Variants in CASZ1 observed in about 807,000 individuals in gnomAD.
CASZ1 encodes castor zinc finger 1, also known as zinc finger protein castor homolog 1.
CASZ1 carries 28 observed loss-of-function variants against 135.2 expected under a neutral mutation model. That is an observed-to-expected ratio of 0.21 (90% CI 0.15 to 0.28). CASZ1 has a LOEUF of 0.28. CASZ1 is among the 10% of genes least tolerant of loss of function. The pLI, the probability that CASZ1 is intolerant of heterozygous loss-of-function variation, is 1.00. For missense variants in CASZ1, 2,161 were observed against 2,453.3 expected, an observed-to-expected ratio of 0.88 and a Z score of 2.52; for synonymous variants, 1,068 against 1,073.4, an observed-to-expected ratio of 0.99 and a Z score of 0.10.
rs534034022 is a variant in CASZ1, at chr1:10,669,461, G to A, written c.17-3890C>T. On this transcript the variant is annotated intron_variant, in intron 4 of 20. Transcript: ENST00000377022. The stretch of plus-strand genomic sequence containing the variant: ...CTGATATTTATAAATATTCAAATCA[G>A]CCGGCTTCAGAAATCAAATGAAGGG... 2.0e-5 allele frequency among the ~76,000 whole-genome samples: 3 copies of A among 152,340 alleles called. No homozygotes were observed. In the South Asian group the frequency reaches 6.2e-4, roughly 32 times the overall value.
chr1:10,663,241 G>T (rs1643108558), intron 5 of CASZ1, among the ~76,000 whole-genome samples: 1 of 152,320 alleles, frequency 6.6e-6, no homozygotes, highest in Admixed American at 6.5e-5. Flanking sequence ...TGGGATGGGG[G>T]TCTAGAGGGG....
In CASZ1 at chr1:10,649,191, A is replaced by G. The variant is rs1230852666; in HGVS notation, c.3037T>C (p.Phe1013Leu). The G allele has an allele frequency of 1.2e-6, 2 of 1,613,342 alleles. No homozygotes were observed. The highest frequency in any genetic ancestry group is 3.3e-5 in the Admixed American group (2 of 59,996). ...AEPWKVYLRR[F>L]GTKDFCDGQC... ...CCGTCACAGAAGTCCTTTGTACCAA[A>G]CCTAGCCAGAGGAGCTGGCGTTAGA... The change falls in exon 15 of 21, where the codon TTT becomes CTT. Residue 1013 changes from phenylalanine to leucine, a missense_variant and splice_region_variant. Phe to Leu is a conservative substitution (Grantham distance 22). This residue lies in a region of CASZ1 where 349 missense variants were observed against 460.8 expected (regional missense o/e 0.76). Transcript: ENST00000377022.
chr1:10,758,424 C>A (rs552365151), intron 2 of CASZ1, among the ~76,000 whole-genome samples: 2 of 151,462 alleles, frequency 1.3e-5, no homozygotes, highest in Admixed American at 1.3e-4. Context: ...CTCCGCCTCC[C>A]GGGTTCAAGT....
At position 10,701,562 on chromosome 1, in the gene CASZ1, C is replaced by T. The variant is rs1020765502; in HGVS notation, c.-24+3930G>A. On this transcript the variant is annotated intron_variant, in intron 3 of 20. Transcript: ENST00000377022. The surrounding 1 kb of genome is among the most constrained non-coding windows in gnomAD (Gnocchi z 6.3). ...GGGCGCGGTCAGAAGAAGGAGATAA[C>T]GGGCAAAGGGCTGGAGGGAGAACAG... Among the ~76,000 whole-genome samples the T allele has an allele frequency of 2.6e-5, 4 of 152,120 alleles. No homozygotes were observed. Among genetic ancestry groups the T allele is most frequent in the Non-Finnish European group, 4.4e-5 (3 of 68,016 alleles).
At chr1:10,712,071 C>A (rs530209796) in intron 2 of CASZ1, among the ~76,000 whole-genome samples, 1 of 152,258 alleles carries the variant, frequency 6.6e-6, no homozygotes, top group East Asian at 1.9e-4. Context: ...ACAGGCCGGG[C>A]GTGGTGGTTC....
Position 10,694,250 on chromosome 1 carries a change from C to A in CASZ1, c.-23-338G>T. 1 of 914,614 alleles carries A rather than the reference C, an allele frequency of 1.1e-6. No individual in the cohort carries two copies. The highest frequency in any genetic ancestry group is 4.3e-5 in the South Asian group (1 of 23,430). 56.7% of individuals were successfully genotyped at this position (914,614 alleles called of 1,614,324 possible). ...CCGCGCCCCGCGCCCGGGTCGCCGCCCGAGACCGCGGCCCCCGGGCCTCCC... is the reference window on the plus strand; with the variant it reads ...CCGCGCCCCGCGCCCGGGTCGCCGCACGAGACCGCGGCCCCCGGGCCTCCC... On this transcript the variant is annotated intron_variant, in intron 3 of 20. Coordinates refer to ENST00000377022, the MANE Select transcript of CASZ1 (RefSeq NM_001079843.3). The surrounding 1 kb of genome is among the most constrained non-coding windows in gnomAD (Gnocchi z 6.6).
At position 10,740,973 on chromosome 1, in the gene CASZ1, A is replaced by AAAAAAAAG. The variant is rs1553138434; in HGVS notation, c.-77+19727_-77+19728insCTTTTTTT. Among the ~76,000 whole-genome samples the AAAAAAAAG allele has an allele frequency of 1.3e-3, 175 of 131,320 alleles. 1 individual carries two copies. Among genetic ancestry groups the AAAAAAAAG allele is most frequent in the Non-Finnish European group, 1.9e-3 (119 of 64,186 alleles). The allele number at this position is 131,320 out of a possible 152,430, so 86.2% of individuals were successfully genotyped here. A position where few individuals can be genotyped will look rare whatever the true frequency, so the allele number is the denominator to read the frequency against. ...ACCCTGTCTGGACAAAAAAAAAAAA[A>AAAAAAAAG]AAAAGAAAAAAAAGTCTAAAAAACA... On this transcript the variant is annotated intron_variant, in intron 2 of 20. Transcript: ENST00000377022.
chr1:10,682,425 GCGGAATCCGGGAGGC>G (rs1638455582), intron 4 of CASZ1, among the ~76,000 whole-genome samples: 1 of 152,194 alleles, frequency 6.6e-6, no homozygotes, highest in Non-Finnish European at 1.5e-5. Flanking sequence ...TGGGGGCCCG[GCGGAATCCGGGAGGC>G]AGGAGCTTCC....
In CASZ1 at chr1:10,747,847, C is replaced by T. The variant is rs891136047; in HGVS notation, c.-77+12854G>A. ...TTTTTTTTTTTTTGAGATGGAGTCT[C>T]GCTCTGCCGCCCAGGCTGGAGTGCA... On this transcript the variant is annotated intron_variant, in intron 2 of 20. Coordinates refer to ENST00000377022, the MANE Select transcript of CASZ1 (RefSeq NM_001079843.3). This position sits in a 1 kb window ranked among gnomAD's most constrained non-coding sequence, Gnocchi z 4.3. 1.3e-4 allele frequency among the ~76,000 whole-genome samples: 19 copies of T among 148,824 alleles called. No homozygotes were observed. The highest frequency in any genetic ancestry group is 5.3e-4 in the Admixed American group (8 of 14,964).
At chr1:10,672,689 T>A (rs1480880005) in intron 4 of CASZ1, among the ~76,000 whole-genome samples, 1 of 152,202 alleles carries the variant, frequency 6.6e-6, no homozygotes, top group Non-Finnish European at 1.5e-5. Flanking sequence ...CTAATTTGCG[T>A]CAGTGCTGAT....
chr1:10,672,859 G>A (rs191770127), intron 4 of CASZ1, among the ~76,000 whole-genome samples: 1,738 of 152,298 alleles, frequency 0.011, 27 homozygotes, highest in African/African-American at 0.034. Context: ...CGGTGGCGGC[G>A]GCTCCGTTCC....
chr1:10,656,892 G>A (rs1485316546), intron 7 of CASZ1, among the ~76,000 whole-genome samples, 156 bp from the exon 8 acceptor site: 1 of 152,168 alleles, frequency 6.6e-6, no homozygotes, highest in Non-Finnish European at 1.5e-5. Flanking sequence ...GGCCTGGCGG[G>A]AATCCCAGGC....
chr1:10,786,232 A>AC (rs1375267479), intron 1 of CASZ1, among the ~76,000 whole-genome samples: 1 of 151,568 alleles, frequency 6.6e-6, no homozygotes, highest in African/African-American at 2.4e-5. Context: ...ACCTCACCCC[A>AC]CCGAGCTCCA....
At chr1:10,698,804 G>A (rs1312666097) in intron 3 of CASZ1, among the ~76,000 whole-genome samples, 1 of 152,224 alleles carries the variant, frequency 6.6e-6, no homozygotes, top group Non-Finnish European at 1.5e-5. Flanking sequence ...TGGCTCCTGA[G>A]AAGTCCTCAG....
intron 1 of CASZ1, among the ~76,000 whole-genome samples, chr1:10,763,185 G>A (rs1241576556): frequency 6.6e-6 from 1 of 152,234 alleles, no homozygotes; most frequent in African/African-American, 2.4e-5. Context: ...GGCCCCGGGG[G>A]CCATGGATCC....
intron 1 of CASZ1, among the ~76,000 whole-genome samples, chr1:10,763,511 A>ACCACCAC (rs1413135207): frequency 4.6e-5 from 7 of 152,142 alleles, no homozygotes; most frequent in Non-Finnish European, 1.0e-4. Flanking sequence ...GCCCAGAATC[A>ACCACCAC]CCACCACCCT....
chr1:10,795,632 C>A (rs1641051809), intron 1 of CASZ1, among the ~76,000 whole-genome samples: 1 of 152,224 alleles, frequency 6.6e-6, no homozygotes, highest in Non-Finnish European at 1.5e-5. Context: ...CGGGCTCCAG[C>A]CGACAGCCGG....
intron 4 of CASZ1, among the ~76,000 whole-genome samples, chr1:10,684,051 C>T (rs1436217457): frequency 2.6e-5 from 4 of 152,218 alleles, no homozygotes; most frequent in East Asian, 3.8e-4. Flanking sequence ...GCAGTATCTC[C>T]GGGCCTCCAG....
At chr1:10,648,344 C>G in intron 15 of CASZ1, 1 of 515,790 alleles carries the variant, frequency 1.9e-6, no homozygotes, top group African/African-American at 2.0e-5. Flanking sequence ...ACTTGGTCTC[C>G]TGGCTTGGGC....
Sources: gnomAD v4.1 joint callset for allele counts (sites outside exome capture counted in the v4.1 genomes callset) on GRCh38, gnomAD v4.1.1 for gene constraint, gnomAD v4.1.1 regional missense constraint, Gnocchi (gnomAD v3.1) non-coding constraint, MANE v1.5 for transcripts, NCBI Gene and HGNC (gene_info 2026-07-23, HGNC 2026-07-21) for gene names.